The following ACTN1 variants were observed in gnomAD, a reference collection of about 807,000 sequenced individuals.
The protein encoded by ACTN1 is actinin alpha 1.
ACTN1 carries 30 observed loss-of-function variants against 119.6 expected under a neutral mutation model. That is an observed-to-expected ratio of 0.25 (90% CI 0.19 to 0.34). The LOEUF is 0.34. Ranked by LOEUF, ACTN1 falls within the 10% of genes least tolerant of loss-of-function variation. The pLI, the probability that ACTN1 is intolerant of heterozygous loss-of-function variation, is 1.00. For missense variants in ACTN1, 764 were observed against 1,223.4 expected (o/e 0.62, Z 5.60); for synonymous variants, 429 against 472.6 (o/e 0.91, Z 1.20).
intron 2 of ACTN1, 38 bp from the exon 3 acceptor site, chr14:68,921,163 G>A (rs773680665): frequency 3.1e-6 from 5 of 1,610,192 alleles, no homozygotes; most frequent in Admixed American, 1.7e-5. Context: ...AAGGTGAGAC[G>A]CTATGAGCCA....
chr14:68,946,522 C>G (rs1214420924), intron 1 of ACTN1, among the ~76,000 whole-genome samples: 1 of 152,146 alleles, frequency 6.6e-6, no homozygotes, highest in Non-Finnish European at 1.5e-5. Context: ...GAAGTCCTAC[C>G]CACAGGACTT....
chr14:68,959,187 G>A (rs552128646), intron 1 of ACTN1, among the ~76,000 whole-genome samples: 1 of 152,318 alleles, frequency 6.6e-6, no homozygotes, highest in African/African-American at 2.4e-5. Flanking sequence ...TCCAAGAAGT[G>A]CTCAAGAGTA....
Position 68,964,414 on chromosome 14 carries a change from C to T in ACTN1, c.105+14538G>A, listed in dbSNP as rs77708476. On this transcript the variant is annotated intron_variant, in intron 1 of 21. Transcript: ENST00000394419. ...CACTTCCCTGGTGCACAGGAATGTA[C>T]GGGTCAGGAGAGAAGTGTATGGGGC... is the stretch of plus-strand genomic sequence containing the variant. Among the ~76,000 whole-genome samples, 270 of 152,296 alleles carry T rather than the reference C, an allele frequency of 1.8e-3. 1 individual carries two copies. Among genetic ancestry groups the T allele is most frequent in the Non-Finnish European group, 2.1e-3 (142 of 68,016 alleles).
In ACTN1 at chr14:68,925,599, C is replaced by T. The variant is rs750397684; in HGVS notation, c.179G>A (p.Arg60Gln). 8.1e-6 allele frequency: 13 copies of T among 1,613,382 alleles called. No homozygotes were observed. The highest frequency in any genetic ancestry group is 1.3e-5 in the African/African-American group (1 of 74,888). Residue 60 changes from arginine to glutamine, a missense_variant, in exon 2 of 22, where the codon CGG (arginine) becomes CAG (glutamine). Around this residue, in one of 4 missense-constraint regions of ACTN1, gnomAD observed 64 missense variants for 80.0 expected, o/e 0.80. Transcript: ENST00000394419. This position sits in a 1 kb window ranked among gnomAD's most constrained non-coding sequence, Gnocchi z 4.3. The stretch of plus-strand genomic sequence containing the variant: ...CAGCAGCATGAGCTTCAGGCCATCC[C>T]GGAAGTCCTCTTCGATGTTCTCGAT... ...TQIENIEEDF[R>Q]DGLKLMLLLE...
chr14:68,935,546 C>T (rs953735192), intron 1 of ACTN1, among the ~76,000 whole-genome samples: 8 of 151,904 alleles, frequency 5.3e-5, no homozygotes, highest in East Asian at 1.9e-4. Flanking sequence ...CCACCACGCC[C>T]GGCTAAGTTT....
At chr14:68,957,312 C>T (rs2036381833) in intron 1 of ACTN1, among the ~76,000 whole-genome samples, 1 of 152,226 alleles carries the variant, frequency 6.6e-6, no homozygotes, top group Admixed American at 6.5e-5. Flanking sequence ...CCCCAAGAGA[C>T]ACCTGTGACC....
chr14:68,934,751 C>T (rs988952912), intron 1 of ACTN1, among the ~76,000 whole-genome samples: 3 of 152,130 alleles, frequency 2.0e-5, no homozygotes, highest in African/African-American at 7.2e-5. Flanking sequence ...CTTCATCATC[C>T]ACTTAATGAA....
chr14:68,956,321 ACATT>A (rs1477485295), intron 1 of ACTN1, among the ~76,000 whole-genome samples: 4 of 152,212 alleles, frequency 2.6e-5, no homozygotes, highest in African/African-American at 9.6e-5. Flanking sequence ...AAAGTGAAAA[ACATT>A]AAAGGGGGAA....
At chr14:68,912,776 C>T (rs530867246) in intron 3 of ACTN1, among the ~76,000 whole-genome samples, 2 of 152,234 alleles carry the variant, frequency 1.3e-5, no homozygotes, top group Middle Eastern at 3.4e-3. Context: ...TAGTTGGAGA[C>T]AGTGGGTACA....
At position 68,953,919 on chromosome 14, in the gene ACTN1, T is replaced by C. The variant is rs1195572940; in HGVS notation, c.105+25033A>G. Among the ~76,000 whole-genome samples, 4 of 151,694 alleles carry C rather than the reference T, an allele frequency of 2.6e-5. No homozygotes were observed. In the South Asian group the frequency reaches 6.2e-4, roughly 24 times the overall value. On this transcript the variant is annotated intron_variant, in intron 1 of 21. Transcript: ENST00000394419. ...AAAAAAGAAAAGGGACAAGTGATAG[T>C]AGAAAAATATTTGAAGAGGAATGAT...
intron 1 of ACTN1, among the ~76,000 whole-genome samples, chr14:68,953,547 G>A (rs73290666): frequency 0.029 from 4,386 of 152,216 alleles, 191 homozygotes; most frequent in African/African-American, 0.1. Context: ...CTCAAAGTGG[G>A]TCATTCAATC....
intron 1 of ACTN1, among the ~76,000 whole-genome samples, chr14:68,933,552 G>T (rs1566652898): frequency 6.6e-6 from 1 of 152,210 alleles, no homozygotes; most frequent in Non-Finnish European, 1.5e-5. Flanking sequence ...TAGGGTGCAT[G>T]AGAGCTACTC....
At position 68,885,280 on chromosome 14, in the gene ACTN1, T is replaced by C; in HGVS notation, c.1385+145A>G. On this transcript the variant is annotated intron_variant, in intron 12 of 21. Coordinates refer to ENST00000394419, the MANE Select transcript of ACTN1 (RefSeq NM_001130004.2). The surrounding 1 kb of genome is among the most constrained non-coding windows in gnomAD (Gnocchi z 5.6). ...TTCCCCACCAGGAGAGATATTTGTC[T>C]CCTGCGTTGACTCCCTCCCCACCTG... 1 of 1,081,922 alleles carries C rather than the reference T, an allele frequency of 9.2e-7. No individual in the cohort carries two copies. Among genetic ancestry groups the C allele is most frequent in the Non-Finnish European group, 1.3e-6 (1 of 778,240 alleles). The allele number at this position is 1,081,922 out of a possible 1,614,324, so 67.0% of individuals were successfully genotyped here. A position where few individuals can be genotyped will look rare whatever the true frequency, so the allele number is the denominator to read the frequency against.
chr14:68,909,265 T>G lies in ACTN1; in HGVS notation c.594+53A>C, dbSNP rs115444461. The stretch of plus-strand genomic sequence containing the variant: ...AACAAGGGTCCTAGTCCTGCTCTTT[T>G]CCCACCCCACCTGCCAGGGACCCAA... On this transcript the variant is annotated intron_variant, in intron 6 of 21. Transcript: ENST00000394419. This position sits in a 1 kb window ranked among gnomAD's most constrained non-coding sequence, Gnocchi z 4.1. 844 of 1,575,074 alleles carry G rather than the reference T, an allele frequency of 5.4e-4. 3 individuals are homozygous for G. In the African/African-American group the frequency reaches 9.7e-3, roughly 18 times the overall value.
At chr14:68,907,758 G>A (rs2033754621) in intron 6 of ACTN1, among the ~76,000 whole-genome samples, 1 of 152,086 alleles carries the variant, frequency 6.6e-6, no homozygotes, top group Non-Finnish European at 1.5e-5. Flanking sequence ...TCAGAATAAG[G>A]GAGGGGGCTC....
intron 1 of ACTN1, among the ~76,000 whole-genome samples, chr14:68,973,328 T>G (rs976009199): frequency 6.6e-6 from 1 of 152,024 alleles, no homozygotes; most frequent in African/African-American, 2.4e-5. Context: ...AGGGACCCGG[T>G]GGGAGGTAAT....
rs2140289795 is a variant in ACTN1 at position 68,909,969 on chromosome 14, C to T, written c.501G>A (p.Gln167=). 2 of 1,614,036 alleles carry T rather than the reference C, an allele frequency of 1.2e-6. No individual in the cohort carries two copies. The highest frequency in any genetic ancestry group is 2.2e-5 in the East Asian group (1 of 44,874). Residue 167 remains glutamine (Q), a synonymous_variant, in exon 5 of 22, where the codon CAG becomes CAA. Transcript: ENST00000394419. The surrounding 1 kb of genome is among the most constrained non-coding windows in gnomAD (Gnocchi z 4.1). ...KTAPYKNVNI[Q]NFHISWKDGL... is the part of the protein sequence containing the mutation. Reference sequence around the variant, plus strand: ...CCAGCACTCACCTTATGTGGAAGTTCTGGATGTTGACATTTTTGTAAGGGG... The same window carrying T: ...CCAGCACTCACCTTATGTGGAAGTTTTGGATGTTGACATTTTTGTAAGGGG...
chr14:68,922,055 A>G (rs2034678503), intron 2 of ACTN1, among the ~76,000 whole-genome samples: 1 of 152,158 alleles, frequency 6.6e-6, no homozygotes, highest in South Asian at 2.1e-4. Context: ...ATAGAGCCAT[A>G]CCTAGGGAAG....
chr14:68,969,253 A>T (rs1363795318), intron 1 of ACTN1, among the ~76,000 whole-genome samples: 4 of 152,260 alleles, frequency 2.6e-5, no homozygotes, highest in Non-Finnish European at 5.9e-5. Flanking sequence ...GATTTCTAAT[A>T]AGAGGCCTCA....
Sources: allele counts gnomAD v4.1 joint callset (sites outside exome capture counted in the v4.1 genomes callset), GRCh38; gene constraint gnomAD v4.1.1; regional missense constraint gnomAD v4.1.1; non-coding constraint Gnocchi (gnomAD v3.1); transcripts MANE v1.5; gene names NCBI Gene and HGNC (gene_info 2026-07-23, HGNC 2026-07-21).